Variants in MAGI3 observed in about 807,000 individuals in gnomAD.
The protein encoded by MAGI3 is membrane associated guanylate kinase, WW and PDZ domain containing 3.
A neutral mutation model predicts 121.8 loss-of-function variants in MAGI3; 43 were observed. The observed-to-expected ratio is 0.35, with a 90% CI of 0.28 to 0.46. MAGI3 has a LOEUF of 0.46. MAGI3 is among the 20% of genes least tolerant of loss of function. The pLI is 1.00. For missense variants in MAGI3, 1,547 were observed against 1,797.3 expected (o/e 0.86, Z 2.52); for synonymous variants, 553 against 639.3 (o/e 0.86, Z 2.04).
intron 2 of MAGI3, among the ~76,000 whole-genome samples, chr1:113,571,447 A>T (rs1647286935): frequency 6.6e-6 from 1 of 152,186 alleles, no homozygotes. Flanking sequence ...TGGTAGCTTG[A>T]TGGGGATAGC....
intron 7 of MAGI3, among the ~76,000 whole-genome samples, chr1:113,619,011 C>T (rs959758530): frequency 8.5e-5 from 13 of 152,278 alleles, no homozygotes; most frequent in African/African-American, 2.6e-4. Context: ...AACATACTAT[C>T]GCCCATAGCG....
chr1:113,416,058 ATATTAAT>A (rs1652302191), intron 1 of MAGI3, among the ~76,000 whole-genome samples: 5 of 149,028 alleles, frequency 3.4e-5, no homozygotes, highest in African/African-American at 1.2e-4. Context: ...TTAATGACAC[ATATTAAT>A]TATGTAATTA....
intron 1 of MAGI3, among the ~76,000 whole-genome samples, chr1:113,545,953 C>T (rs1039036213): frequency 6.6e-6 from 1 of 152,074 alleles, no homozygotes; most frequent in Admixed American, 6.6e-5. Flanking sequence ...GGCAGATGTT[C>T]ATATACAAAT....
intron 3 of MAGI3, 48 bp downstream of exon 3, chr1:113,580,709 A>T (rs756307691): frequency 6.6e-7 from 1 of 1,504,036 alleles, no homozygotes; most frequent in Non-Finnish European, 8.9e-7. Context: ...TATCTGAACG[A>T]CTGGAATTAT....
chr1:113,459,452 A>G (rs1208739674), intron 1 of MAGI3, among the ~76,000 whole-genome samples: 1 of 152,214 alleles, frequency 6.6e-6, no homozygotes, highest in African/African-American at 2.4e-5. Context: ...ATCTTGTAAC[A>G]TATTGCACAA....
At chr1:113,450,121 G>C in intron 1 of MAGI3, 1 of 1,460,018 alleles carries the variant, frequency 6.8e-7, no homozygotes, top group Non-Finnish European at 9.5e-7. Flanking sequence ...GACAGGCAGA[G>C]TGGGAAAAAG....
intron 9 of MAGI3, among the ~76,000 whole-genome samples, chr1:113,638,501 A>G (rs980817418): frequency 6.6e-6 from 1 of 152,208 alleles, no homozygotes; most frequent in Non-Finnish European, 1.5e-5. Context: ...TCCACTCCCT[A>G]CCCTGTTTGC....
intron 1 of MAGI3, among the ~76,000 whole-genome samples, chr1:113,515,056 G>T (rs1657818170): frequency 6.6e-6 from 1 of 152,074 alleles, no homozygotes. Context: ...TTTTTGAATA[G>T]ATGTTGATTT....
chr1:113,629,820 T>C (rs1651507794), intron 9 of MAGI3, among the ~76,000 whole-genome samples: 1 of 133,752 alleles, frequency 7.5e-6, no homozygotes, highest in Non-Finnish European at 1.6e-5. Context: ...CTCTCTGTGC[T>C]GAGCCTCTTG....
In MAGI3 at chr1:113,428,956, A is replaced by G. The variant is rs74697259; in HGVS notation, c.316+37607A>G. ...ACAAATTCAGTTCCTTAATTACACT[A>G]GCTACATTTTAGGTGCTCAGCACTC... On this transcript the variant is annotated intron_variant, in intron 1 of 20. Coordinates refer to ENST00000307546, the MANE Select transcript of MAGI3 (RefSeq NM_001142782.2). Among the ~76,000 whole-genome samples, 754 of 152,346 alleles carry G rather than the reference A, an allele frequency of 4.9e-3. 4 individuals are homozygous for G. Among genetic ancestry groups the G allele is most frequent in the African/African-American group, 0.018 (730 of 41,584 alleles).
chr1:113,560,414 C>CA (rs1016534459), intron 2 of MAGI3, among the ~76,000 whole-genome samples: 1 of 131,364 alleles, frequency 7.6e-6, no homozygotes, highest in Admixed American at 7.3e-5. Context: ...CAAAAAAAAC[C>CA]AAAAAAACAA....
intron 9 of MAGI3, among the ~76,000 whole-genome samples, chr1:113,636,146 C>T (rs1049573361): frequency 1.2e-3 from 174 of 151,106 alleles, no homozygotes; most frequent in Middle Eastern, 6.8e-3. Context: ...TGCTAGTGGT[C>T]GATCAATTTT....
At chr1:113,486,555 T>C (rs1303305128) in intron 1 of MAGI3, among the ~76,000 whole-genome samples, 1 of 152,196 alleles carries the variant, frequency 6.6e-6, no homozygotes, top group East Asian at 1.9e-4. Context: ...ATAAAAACTA[T>C]CTTTAAATGG....
At position 113,642,603 on chromosome 1, in the gene MAGI3, T is replaced by C; in HGVS notation, c.1966+87T>C. The C allele has an allele frequency of 2.1e-6, 3 of 1,415,660 alleles. No homozygotes were observed. In the South Asian group the frequency reaches 4.2e-5, roughly 20 times the overall value. The allele number at this position is 1,415,660 out of a possible 1,614,324, so 87.7% of individuals were successfully genotyped here. On this transcript the variant is annotated intron_variant, in intron 10 of 20. Transcript: ENST00000307546. ...CTTTCCTTACAGTTTAGAATGTGTT[T>C]TCCCAGCAGACTTAACTAGTAATTA... is the stretch of plus-strand genomic sequence containing the variant.
At chr1:113,596,543 T>G (rs1347650961) in intron 6 of MAGI3, among the ~76,000 whole-genome samples, 1 of 152,026 alleles carries the variant, frequency 6.6e-6, no homozygotes, top group Non-Finnish European at 1.5e-5. Flanking sequence ...CATTGAAAAA[T>G]GAATAGACAA....
chr1:113,592,399 T>G (rs1002966554), intron 5 of MAGI3, among the ~76,000 whole-genome samples: 4 of 152,150 alleles, frequency 2.6e-5, no homozygotes, highest in African/African-American at 9.6e-5. Context: ...TGGGTAAAAT[T>G]TTAGCAAATT....
chr1:113,644,282 T>A lies in MAGI3; in HGVS notation c.1998+508T>A, dbSNP rs140166458. 1.5e-3 allele frequency among the ~76,000 whole-genome samples: 229 copies of A among 152,136 alleles called. 1 individual carries two copies. The East Asian group carries it at 0.033, about 22-fold the overall frequency. ...TATTTTTTTATTATTTATTTTTTAT[T>A]TATTTATTTATTTTTTGAGACGGAG... is the stretch of plus-strand genomic sequence containing the variant. On this transcript the variant is annotated intron_variant, in intron 11 of 20. Coordinates refer to ENST00000307546, the MANE Select transcript of MAGI3 (RefSeq NM_001142782.2).
chr1:113,575,380 G>C (rs1209100863), intron 2 of MAGI3, among the ~76,000 whole-genome samples: 1 of 151,886 alleles, frequency 6.6e-6, no homozygotes, highest in African/African-American at 2.4e-5. Flanking sequence ...TTTTGGGTGA[G>C]CGTCCTTTTG....
chr1:113,634,143 G>A (rs1001423686), intron 9 of MAGI3, among the ~76,000 whole-genome samples: 32 of 152,306 alleles, frequency 2.1e-4, no homozygotes, highest in Admixed American at 7.8e-4. Flanking sequence ...TTAGCCCTTC[G>A]TCAGATGAGT....
Sources: allele counts gnomAD v4.1 joint callset (sites outside exome capture counted in the v4.1 genomes callset), GRCh38; gene constraint gnomAD v4.1.1; transcripts MANE v1.5; gene names NCBI Gene and HGNC (gene_info 2026-07-23, HGNC 2026-07-21).